Variants in LILRB2 observed in about 807,000 individuals in gnomAD.
LILRB2 encodes leukocyte immunoglobulin like receptor B2.
In LILRB2, 47 loss-of-function variants were observed where a neutral mutation model predicts 72.7. The observed-to-expected ratio is 0.65, with a 90% CI of 0.51 to 0.82. The LOEUF (loss-of-function observed/expected upper bound fraction) is 0.82. LILRB2 is among the 40% of genes least tolerant of loss of function. The pLI, the probability that LILRB2 is intolerant of heterozygous loss-of-function variation, is 0.00. For synonymous variants in LILRB2, 279 were observed against 313.7 expected, an observed-to-expected ratio of 0.89 and a Z score of 1.17; for missense variants, 767 against 764.8, an observed-to-expected ratio of 1.00 and a Z score of -0.03.
At chr19:54,280,201 A>C in intron 3 of LILRB2, 63 bp downstream of exon 3, 4 of 1,613,170 alleles carry the variant, frequency 2.5e-6, no homozygotes, top group Non-Finnish European at 3.4e-6. Flanking sequence ...CCCCAGCTGC[A>C]CGGAGGTGGC....
At position 54,276,787 on chromosome 19, in the gene LILRB2, G is replaced by T. The variant is rs752240050; in HGVS notation, c.1480+20C>A. The T allele has an allele frequency of 4.3e-6, 7 of 1,610,360 alleles. No homozygotes were observed. Among genetic ancestry groups the T allele is most frequent in the Non-Finnish European group, 5.9e-6 (7 of 1,177,738 alleles). On this transcript the variant is annotated intron_variant, in intron 10 of 13. Coordinates refer to ENST00000314446, the MANE Select transcript of LILRB2 (RefSeq NM_001080978.4). ...AGCCCACCCTCGGTCGGCCCACAGGGTTTCCCCTTCCCTACTCACTCGATG... is the reference window on the plus strand; with the variant it reads ...AGCCCACCCTCGGTCGGCCCACAGGTTTTCCCCTTCCCTACTCACTCGATG...
At chr19:54,274,937 C>A (rs1482974821) in intron 13 of LILRB2, 108 bp from the exon 14 acceptor site, 1 of 1,610,572 alleles carries the variant, frequency 6.2e-7, no homozygotes, top group African/African-American at 1.3e-5. Context: ...TCCTCTTCTG[C>A]CTGTCTGTCC....
chr19:54,277,479 G>A (rs2080288833), intron 9 of LILRB2, 71 bp downstream of exon 9: 4 of 1,544,356 alleles, frequency 2.6e-6, no homozygotes, highest in African/African-American at 1.4e-5. Context: ...AGAGGAGCCT[G>A]AACCTAGGAC....
At chr19:54,278,606 T>G (rs2080375633) in intron 6 of LILRB2, 44 bp from the exon 7 acceptor site, 1 of 1,606,290 alleles carries the variant, frequency 6.2e-7, no homozygotes, top group Non-Finnish European at 8.5e-7. Flanking sequence ...CACCTTGCTC[T>G]GAGCTGAGAC....
At position 54,276,343 on chromosome 19, in the gene LILRB2, C is replaced by G. The variant is rs200755632; in HGVS notation, c.1556+38G>C. Reference sequence around the variant, plus strand: ...AGCTTTAGGGGCAGTGTATGGGCCACGAGCAGGTGGGAGTCTGGGGTCTTC... The same window carrying G: ...AGCTTTAGGGGCAGTGTATGGGCCAGGAGCAGGTGGGAGTCTGGGGTCTTC... On this transcript the variant is annotated intron_variant, in intron 11 of 13. Transcript: ENST00000314446. 8,423 of 1,612,750 alleles carry G rather than the reference C, an allele frequency of 5.2e-3. 263 individuals carry two copies. The South Asian group carries it at 0.066, about 13-fold the overall frequency.
chr19:54,277,646 A>G (rs1449760412), intron 8 of LILRB2, 49 bp from the exon 9 acceptor site: 18 of 1,539,916 alleles, frequency 1.2e-5, no homozygotes, highest in Non-Finnish European at 1.6e-5. Context: ...CCTGCTCCCC[A>G]CATCAGCCCG....
chr19:54,276,423 C>T lies in LILRB2; in HGVS notation c.1514G>A (p.Gly505Glu), dbSNP rs1288242278. The T allele has an allele frequency of 1.2e-5, 19 of 1,598,234 alleles. No individual in the cohort carries two copies. Among genetic ancestry groups the T allele is most frequent in the Non-Finnish European group, 1.6e-5 (19 of 1,167,952 alleles). ...GTCTGTGGGCTCTGGCCCCACAGCC[C>T]CTGCAGGATGTTGGAAATCAGCCTT... Reference protein sequence around the residue: ...QRKADFQHPAGAVGPEPTDRG... With the variant: ...QRKADFQHPAEAVGPEPTDRG... Residue 505 changes from glycine to glutamate, a missense_variant, in exon 11 of 14, where the codon GGG becomes GAG. Gly to Glu is a moderately conservative substitution (Grantham distance 98, BLOSUM62 -2). This residue lies in a region of LILRB2 where 162 missense variants were observed against 176.7 expected (regional missense o/e 0.92). Coordinates refer to ENST00000314446, the MANE Select transcript of LILRB2 (RefSeq NM_001080978.4).
chr19:54,275,212 C>A (rs2080166193), intron 13 of LILRB2: 4 of 1,145,900 alleles, frequency 3.5e-6, no homozygotes. Flanking sequence ...GGTCTGGCCG[C>A]TCCCTTCCTG....
At chr19:54,279,289 T>C (rs2080426785) in intron 5 of LILRB2, 56 bp downstream of exon 5, 1 of 1,571,758 alleles carries the variant, frequency 6.4e-7, no homozygotes, top group African/African-American at 1.4e-5. Flanking sequence ...GCTCCCCACC[T>C]GCCTGGAGAC....
Position 54,276,840 on chromosome 19 carries a change from GGAGGATGAGGAA to G in LILRB2, c.1435_1446del (p.Phe479_Leu482del), listed in dbSNP as rs2080250713. On this transcript the variant is annotated inframe_deletion, in exon 10 of 14. Coordinates refer to ENST00000314446, the MANE Select transcript of LILRB2 (RefSeq NM_001080978.4). ...CAGTGTTTGCCCTGACGTCGATGTC[GGAGGATGAGGAA>G]GAGGAGGAGGAGGAGGAGGAGCAGT... The G allele has an allele frequency of 1.9e-6, 3 of 1,613,970 alleles. No individual in the cohort carries two copies. Among genetic ancestry groups the G allele is most frequent in the African/African-American group, 1.3e-5 (1 of 75,004 alleles).
At position 54,280,293 on chromosome 19, in the gene LILRB2, C is replaced by A. The variant is rs370060797; in HGVS notation, c.41G>T (p.Ser14Ile). The change falls in exon 3 of 14, where the codon AGT becomes ATT. Residue 14 changes from serine to isoleucine, a missense_variant. This residue lies in a region of LILRB2 where 599 missense variants were observed against 568.2 expected (regional missense o/e 1.05). Transcript: ENST00000314446. ...CTGCACGCGGGTCCTGGGGCCCAGA[C>A]TCAGCCCTGGAAGAGAGTTCCCTGT... ...IVTVLICLGL[S>I]LGPRTRVQTG... is the part of the protein sequence containing the mutation. 1 of 1,614,006 alleles carries A rather than the reference C, an allele frequency of 6.2e-7. No individual in the cohort carries two copies. Among genetic ancestry groups the A allele is most frequent in the Non-Finnish European group, 8.5e-7 (1 of 1,180,008 alleles).
chr19:54,276,742 T>C, intron 10 of LILRB2, 65 bp downstream of exon 10: 3 of 1,560,132 alleles, frequency 1.9e-6, no homozygotes, highest in Non-Finnish European at 2.6e-6. Context: ...GTGGTTTGGA[T>C]TCTCTTTGGC....
intron 10 of LILRB2, 50 bp from the exon 11 acceptor site, chr19:54,276,506 G>T (rs1407378874): frequency 7.6e-6 from 10 of 1,311,318 alleles, no homozygotes; most frequent in Non-Finnish European, 1.0e-5. Context: ...GGAGCCCCCT[G>T]CCCTGCACAC....
Position 54,280,060 on chromosome 19 carries a change from G to C in LILRB2, c.86C>G (p.Pro29Arg). Residue 29 changes from proline (P) to arginine (R), a missense_variant, in exon 4 of 14, where the codon CCC (proline) becomes CGC (arginine). Coordinates refer to ENST00000314446, the MANE Select transcript of LILRB2 (RefSeq NM_001080978.4). The stretch of plus-strand genomic sequence containing the variant: ...AGAGTCTGGCTCAGCCCACAGGGTG[G>C]GCTTGGGGATGGTCCCTGGAAGGAA... ...TRVQTGTIPK[P>R]TLWAEPDSVI... The C allele has an allele frequency of 1.9e-6, 3 of 1,614,002 alleles. No homozygotes were observed. The highest frequency in any genetic ancestry group is 2.5e-6 in the Non-Finnish European group (3 of 1,179,928).
chr19:54,275,210 C>T (rs765851432), intron 13 of LILRB2: 30 of 1,150,894 alleles, frequency 2.6e-5, no homozygotes, highest in Admixed American at 1.4e-4. Context: ...AGGGTCTGGC[C>T]GCTCCCTTCC....
chr19:54,278,277 A>C lies in LILRB2; in HGVS notation c.1241T>G (p.Leu414Arg), dbSNP rs1166108581. 2 of 1,614,046 alleles carry C rather than the reference A, an allele frequency of 1.2e-6. No homozygotes were observed. Among genetic ancestry groups the C allele is most frequent in the African/African-American group, 2.7e-5 (2 of 74,928 alleles). ...GCCCCCACCTGAGACCACGAGCTCC[A>C]GGGGCTCACTGGGGTGAGACAGCAG... ...PYLLSHPSEP[L>R]ELVVSGPSMG... is the part of the protein sequence containing the mutation. The change falls in exon 7 of 14, where the codon CTG (leucine) becomes CGG (arginine). Residue 414 changes from leucine (L) to arginine (R), a missense_variant. Around this residue, in one of 3 missense-constraint regions of LILRB2, gnomAD observed 599 missense variants for 568.2 expected, o/e 1.05. Transcript: ENST00000314446.
chr19:54,277,897 G>A lies in LILRB2; in HGVS notation c.1301C>T (p.Ser434Phe), dbSNP rs1343612524. 1 of 1,547,966 alleles carries A rather than the reference G, an allele frequency of 6.5e-7. No homozygotes were observed. The highest frequency in any genetic ancestry group is 1.4e-5 in the African/African-American group (1 of 72,820). ...GSSPPPTGPI[S>F]TPGPEDQPLT... ...AGGCCTCAGGGACTCACCAGGTGTG[G>A]AGATGGGACCGGTGGGTGGGGGGCT... Residue 434 changes from serine to phenylalanine, a missense_variant, in exon 8 of 14, where the codon TCC becomes TTC. This residue lies in a region of LILRB2 where 599 missense variants were observed against 568.2 expected (regional missense o/e 1.05). Transcript: ENST00000314446.
intron 3 of LILRB2, 84 bp from the exon 4 acceptor site, chr19:54,280,159 C>T (rs955633211): frequency 2.5e-6 from 4 of 1,609,738 alleles, no homozygotes; most frequent in African/African-American, 2.7e-5. Flanking sequence ...CCAGATGCCC[C>T]CATCAGTCAG....
In LILRB2 at chr19:54,279,582, T is replaced by C. The variant is rs1286812589; in HGVS notation, c.421A>G (p.Thr141Ala). The change falls in exon 5 of 14, where the codon ACC (threonine) becomes GCC (alanine). Residue 141 changes from threonine (T) to alanine (A), a missense_variant. Physicochemically the swap from Thr to Ala is moderately conservative, Grantham distance 58. Around this residue, in one of 3 missense-constraint regions of LILRB2, gnomAD observed 599 missense variants for 568.2 expected, o/e 1.05. Transcript: ENST00000314446. ...SPVVTSGGRV[T>A]LQCESQVAFG... ...GCCACCTGTGACTCACACTGGAGGG[T>C]CACCCTTCCTCCTGAGGTCACCACA... 1.2e-6 allele frequency: 2 copies of C among 1,613,890 alleles called. No homozygotes were observed.
Sources: gnomAD v4.1 joint callset for allele counts on GRCh38, gnomAD v4.1.1 for gene constraint, gnomAD v4.1.1 regional missense constraint, MANE v1.5 for transcripts, NCBI Gene and HGNC (gene_info 2026-07-23, HGNC 2026-07-21) for gene names.